CNTNAP2: variants seen among roughly 807,000 people sequenced by gnomAD.
CNTNAP2 encodes the protein contactin-associated protein-like 2.
CNTNAP2 carries 98 observed loss-of-function variants against 155.2 expected under a neutral mutation model. The observed-to-expected ratio is 0.63, with a 90% CI of 0.54 to 0.75. The LOEUF (loss-of-function observed/expected upper bound fraction) is 0.75, where lower values mean the gene tolerates loss of function less well. CNTNAP2 is among the 30% of genes least tolerant of loss of function. The probability of loss-of-function intolerance (pLI) is 0.00; values close to 1 mark genes in which losing one functional copy is unlikely to be tolerated. For missense variants in CNTNAP2, 1,727 were observed against 1,688.1 expected (o/e 1.02, Z -0.40); for synonymous variants, 651 against 631.2 (o/e 1.03, Z -0.47).
intron 12 of CNTNAP2, among the ~76,000 whole-genome samples, chr7:147,609,582 A>G (rs1452498514): frequency 6.6e-6 from 1 of 152,040 alleles, no homozygotes; most frequent in Non-Finnish European, 1.5e-5. Context: ...AGACAATACA[A>G]AATAAACATC....
intron 1 of CNTNAP2, among the ~76,000 whole-genome samples, chr7:146,465,605 A>G (rs1415031611): frequency 6.6e-6 from 1 of 152,200 alleles, no homozygotes; most frequent in Non-Finnish European, 1.5e-5. Flanking sequence ...GTGTGGCAGA[A>G]TCACTTCCCT....
intron 9 of CNTNAP2, among the ~76,000 whole-genome samples, chr7:147,384,100 G>A (rs968898438): frequency 3.3e-5 from 5 of 152,250 alleles, no homozygotes; most frequent in Middle Eastern, 3.4e-3. Context: ...GAGAAAAATA[G>A]GAAGAAAGGG....
intron 1 of CNTNAP2, among the ~76,000 whole-genome samples, chr7:146,630,981 GC>G (rs1216432789): frequency 9.2e-5 from 14 of 152,026 alleles, no homozygotes; most frequent in Admixed American, 2.6e-4. Flanking sequence ...TGGCCATACT[GC>G]CCAAAGTAAT....
intron 3 of CNTNAP2, among the ~76,000 whole-genome samples, chr7:146,937,202 A>C (rs943590544): frequency 6.6e-6 from 1 of 151,884 alleles, no homozygotes; most frequent in African/African-American, 2.4e-5. Context: ...CCTGGCTAAC[A>C]CAGTGAAACC....
rs10631041 is a variant in CNTNAP2 at position 146,200,495 on chromosome 7, C to CATAT, written c.97+83534_97+83537dup. On this transcript the variant is annotated intron_variant, in intron 1 of 23. Coordinates refer to ENST00000361727, the MANE Select transcript of CNTNAP2 (RefSeq NM_014141.6). ...GTGACAGAGCAATACTCCGTCTAAA[C>CATAT]ATATATATATATATACACACACACA... Among the ~76,000 whole-genome samples, 921 of 142,538 alleles carry CATAT rather than the reference C, an allele frequency of 6.5e-3. 7 individuals carry two copies. The highest frequency in any genetic ancestry group is 0.02 in the African/African-American group (768 of 38,760). 93.5% of individuals were successfully genotyped at this position (142,538 alleles called of 152,430 possible). A position where few individuals can be genotyped will look rare whatever the true frequency, so the allele number is the denominator to read the frequency against.
At chr7:146,174,652 A>G (rs1798444084) in intron 1 of CNTNAP2, among the ~76,000 whole-genome samples, 1 of 151,982 alleles carries the variant, frequency 6.6e-6, no homozygotes, top group Non-Finnish European at 1.5e-5. Flanking sequence ...AGCCTGGCCA[A>G]TATGGCGAAA....
intron 10 of CNTNAP2, among the ~76,000 whole-genome samples, chr7:147,396,109 CAT>C (rs1584923249): frequency 2.1e-5 from 3 of 144,810 alleles, no homozygotes; most frequent in Non-Finnish European, 3.0e-5. Flanking sequence ...GTATATATAG[CAT>C]ATATGAGATA....
intron 10 of CNTNAP2, among the ~76,000 whole-genome samples, chr7:147,397,429 A>C (rs563773135): frequency 5.3e-5 from 8 of 151,798 alleles, no homozygotes; most frequent in African/African-American, 1.4e-4. Context: ...TTTAGTATCT[A>C]CTCTTTTTTT....
intron 8 of CNTNAP2, among the ~76,000 whole-genome samples, chr7:147,208,111 C>G (rs1287408700): frequency 6.6e-6 from 1 of 151,902 alleles, no homozygotes; most frequent in East Asian, 1.9e-4. Context: ...GAGTTTATAC[C>G]CTATTTCTAA....
At chr7:147,718,837 C>A (rs1331068632) in intron 13 of CNTNAP2, among the ~76,000 whole-genome samples, 3 of 152,130 alleles carry the variant, frequency 2.0e-5, no homozygotes, top group African/African-American at 7.2e-5. Context: ...TAATTACATA[C>A]ACATATGCTT....
At chr7:147,635,814 C>T (rs1795171425) in intron 12 of CNTNAP2, among the ~76,000 whole-genome samples, 1 of 152,096 alleles carries the variant, frequency 6.6e-6, no homozygotes, top group Non-Finnish European at 1.5e-5. Context: ...TTAAAGAAGA[C>T]ATCAGGTTTG....
intron 9 of CNTNAP2, among the ~76,000 whole-genome samples, chr7:147,391,077 T>C (rs1226570093): frequency 6.6e-6 from 1 of 152,130 alleles, no homozygotes; most frequent in Non-Finnish European, 1.5e-5. Context: ...CAAGTACCAC[T>C]TCCCAAGTAC....
intron 13 of CNTNAP2, among the ~76,000 whole-genome samples, chr7:147,879,121 G>C (rs906293495): frequency 1.3e-5 from 2 of 152,164 alleles, no homozygotes; most frequent in Non-Finnish European, 1.5e-5. Flanking sequence ...GTACATTTCT[G>C]AACATGGTAA....
chr7:147,408,851 T>A (rs1327755584), intron 10 of CNTNAP2, among the ~76,000 whole-genome samples: 1 of 152,126 alleles, frequency 6.6e-6, no homozygotes, highest in Non-Finnish European at 1.5e-5. Context: ...TTCAGGAAAA[T>A]CAAGTTTTGC....
At chr7:146,513,970 A>G (rs1208062447) in intron 1 of CNTNAP2, among the ~76,000 whole-genome samples, 1 of 152,016 alleles carries the variant, frequency 6.6e-6, no homozygotes, top group East Asian at 1.9e-4. Flanking sequence ...TGTTTTGTTT[A>G]GCAAGTTTTT....
intron 1 of CNTNAP2, among the ~76,000 whole-genome samples, chr7:146,389,094 T>G (rs1563065553): frequency 6.6e-6 from 1 of 152,174 alleles, no homozygotes; most frequent in Non-Finnish European, 1.5e-5. Context: ...ATCCTATCTG[T>G]GGTGAAATAA....
At chr7:146,766,344 G>A (rs1321306073) in intron 1 of CNTNAP2, among the ~76,000 whole-genome samples, 3 of 151,994 alleles carry the variant, frequency 2.0e-5, no homozygotes, top group Non-Finnish European at 4.4e-5. Context: ...GTCTGATTTG[G>A]CACACAAAAT....
At chr7:147,879,961 C>T (rs1320695870) in intron 13 of CNTNAP2, among the ~76,000 whole-genome samples, 2 of 152,168 alleles carry the variant, frequency 1.3e-5, no homozygotes, top group African/African-American at 2.4e-5. Flanking sequence ...AAAGCCAGTG[C>T]CTGCTGTTCA....
At chr7:146,184,376 T>A (rs947562462) in intron 1 of CNTNAP2, among the ~76,000 whole-genome samples, 6 of 152,058 alleles carry the variant, frequency 3.9e-5, no homozygotes, top group African/African-American at 1.2e-4. Flanking sequence ...GGAACATAAT[T>A]GACACTAAAT....
Sources: gnomAD v4.1 joint callset for allele counts (sites outside exome capture counted in the v4.1 genomes callset) on GRCh38, gnomAD v4.1.1 for gene constraint, MANE v1.5 for transcripts, NCBI Gene and HGNC (gene_info 2026-07-23, HGNC 2026-07-21) for gene names.